SHOX: variants seen among roughly 807,000 people sequenced by gnomAD.
SHOX encodes short stature homeobox protein.
Under a neutral mutation model 29.6 loss-of-function variants are expected in SHOX, and 12 were observed. The observed-to-expected ratio is 0.41, with a 90% CI of 0.26 to 0.66. The LOEUF is 0.66. SHOX is among the 30% of genes least tolerant of loss of function. The probability of loss-of-function intolerance (pLI) is 0.35; values close to 1 mark genes in which losing one functional copy is unlikely to be tolerated. For missense variants in SHOX, 499 were observed against 437.7 expected (o/e 1.14, Z -1.25); for synonymous variants, 214 against 200.6 (o/e 1.07, Z -0.57).
chrX:656,925 C>CA (rs57866699), intron 5 of SHOX, among the ~76,000 whole-genome samples: 32 of 5,296 alleles, frequency 6.0e-3, no homozygotes, highest in South Asian at 0.016. Flanking sequence ...GACTCCGTCT[C>CA]AAAAAAAAAA....
downstream of SHOX, among the ~76,000 whole-genome samples, chrX:655,568 GTCTCTCTCTC>G (rs1228178183): frequency 4.8e-3 from 419 of 87,542 alleles, 1 homozygote; most frequent in East Asian, 8.7e-3. Context: ...CTCTCTCTCT[GTCTCTCTCTC>G]TCTCTCTCTC....
chrX:649,856 C>T lies in SHOX; in HGVS notation c.*5220C>T. The T allele has an allele frequency of 2.2e-6, 1 of 454,700 alleles. No homozygotes were observed. The highest frequency in any genetic ancestry group is 1.6e-5 in the South Asian group (1 of 64,292). 28.2% of individuals were successfully genotyped at this position (454,700 alleles called of 1,614,324 possible). Reference sequence around the variant, plus strand: ...AGTCGCCGCAGTTGAGCAAAAAACACTTCTTCCTTTGAGTGGCTGTTCTGG... The same window carrying T: ...AGTCGCCGCAGTTGAGCAAAAAACATTTCTTCCTTTGAGTGGCTGTTCTGG... On this transcript the variant is annotated 3_prime_UTR_variant, in exon 5 of 5. Transcript: ENST00000686671.
chrX:634,185 G>T lies in SHOX; in HGVS notation c.278-433G>T, dbSNP rs1171180983. ...CCTGCGCTGCAGCGGTGGGGATAGC[G>T]TCTCTCCGTAGGCCTAGAATCTGCA... On this transcript the variant is annotated intron_variant, in intron 1 of 4. Transcript: ENST00000686671. 2.0e-5 allele frequency among the ~76,000 whole-genome samples: 3 copies of T among 152,182 alleles called. No individual in the cohort carries two copies. The South Asian group carries it at 6.2e-4, about 31-fold the overall frequency.
upstream of SHOX, among the ~76,000 whole-genome samples, chrX:626,779 TTC>T (rs1162431208): frequency 7.0e-6 from 1 of 142,150 alleles, no homozygotes; most frequent in Non-Finnish European, 1.5e-5. Context: ...TCCTCTCTTT[TTC>T]TCTGTCTCTG....
intron 5 of SHOX, among the ~76,000 whole-genome samples, chrX:658,177 G>C (rs1379648011): frequency 6.6e-6 from 1 of 152,110 alleles, no homozygotes; most frequent in East Asian, 1.9e-4. Flanking sequence ...GTTTTACCAT[G>C]TTGGCCAGGC....
downstream of SHOX, among the ~76,000 whole-genome samples, chrX:651,688 CAG>C (rs2053067301): frequency 1.4e-5 from 2 of 145,094 alleles, no homozygotes; most frequent in Non-Finnish European, 3.0e-5. Flanking sequence ...TGGCTGAACA[CAG>C]AGTGTTGTTC....
intron 4 of SHOX, among the ~76,000 whole-genome samples, chrX:643,624 TGGGGATCTGGTGTCCTG>T (rs2052906410): frequency 7.8e-6 from 1 of 128,404 alleles, no homozygotes; most frequent in Non-Finnish European, 1.6e-5. Flanking sequence ...GGGAGAGCCT[TGGGGATCTGGTGTCCTG>T]GGGAGAGGCT....
intron 4 of SHOX, among the ~76,000 whole-genome samples, chrX:644,110 T>TC (rs1466309239): frequency 6.6e-6 from 1 of 152,042 alleles, no homozygotes; most frequent in African/African-American, 2.4e-5. Flanking sequence ...CATCGGGAGC[T>TC]CCCCCTGAGG....
In SHOX at chrX:624,996, C is replaced by A. The variant is rs184089952; in HGVS notation, c.-433+394C>A. 3.5e-3 allele frequency among the ~76,000 whole-genome samples: 512 copies of A among 147,522 alleles called. 3 individuals carry two copies. Among genetic ancestry groups the A allele is most frequent in the African/African-American group, 0.012 (497 of 40,042 alleles). On this transcript the variant is annotated intron_variant, in intron 1 of 5. Transcript: ENST00000334060. The stretch of plus-strand genomic sequence containing the variant: ...CCTTTTCTTTTCCAGAAAGCTTTTT[C>A]CTTCCTTCCCTCCTTCCTTCCTTCT...
Position 644,971 on chromosome X carries a change from G to C in SHOX, c.*335G>C. 2 of 330,740 alleles carry C rather than the reference G, an allele frequency of 6.0e-6. No homozygotes were observed. The highest frequency in any genetic ancestry group is 5.4e-6 in the Non-Finnish European group (1 of 183,904). 20.5% of individuals were successfully genotyped at this position (330,740 alleles called of 1,614,324 possible). On this transcript the variant is annotated 3_prime_UTR_variant, in exon 5 of 5. Coordinates refer to ENST00000686671, the MANE Select transcript of SHOX (RefSeq NM_000451.4). ...TTCCTCTGCTATACCCTATGCATGC[G>C]GTTAACTACACACGTTTGGAAGATC...
upstream of SHOX, among the ~76,000 whole-genome samples, chrX:628,068 C>T (rs1185671814): frequency 6.6e-6 from 1 of 152,002 alleles, no homozygotes; most frequent in African/African-American, 2.4e-5. Flanking sequence ...CTGCCTCTCT[C>T]CCTCTTTCTC....
chrX:640,895 G>T lies in SHOX; in HGVS notation c.544+17G>T. The T allele has an allele frequency of 6.2e-7, 1 of 1,613,910 alleles. No individual in the cohort carries two copies. Among genetic ancestry groups the T allele is most frequent in the South Asian group, 1.1e-5 (1 of 91,068 alleles). On this transcript the variant is annotated intron_variant, in intron 3 of 4. Coordinates refer to ENST00000686671, the MANE Select transcript of SHOX (RefSeq NM_000451.4). Reference sequence around the variant, plus strand: ...TGCATAAAGGTGGGTGTCGGGACTGGGGGGACCTGAAGCTGGGGGATCCTG... The same window carrying T: ...TGCATAAAGGTGGGTGTCGGGACTGTGGGGACCTGAAGCTGGGGGATCCTG...
chrX:630,742 G>A (rs2052631749), upstream of SHOX: 2 of 926,332 alleles, frequency 2.2e-6, no homozygotes, highest in Non-Finnish European at 3.4e-6. Context: ...CGCATGGGGG[G>A]CTGGGCGAGG....
Position 647,223 on chromosome X carries a change from C to G in SHOX, c.*2587C>G, listed in dbSNP as rs1048304514. ...TCCCGAGTAGCTGGGATTACAGGCACCTGCCACCAGGCCTGGGTAACTTTC... is the reference window on the plus strand; with the variant it reads ...TCCCGAGTAGCTGGGATTACAGGCAGCTGCCACCAGGCCTGGGTAACTTTC... On this transcript the variant is annotated 3_prime_UTR_variant, in exon 5 of 5. Coordinates refer to ENST00000686671, the MANE Select transcript of SHOX (RefSeq NM_000451.4). Among the ~76,000 whole-genome samples the G allele has an allele frequency of 2.4e-4, 37 of 151,776 alleles. No homozygotes were observed. Among genetic ancestry groups the G allele is most frequent in the Non-Finnish European group, 4.6e-4 (31 of 67,976 alleles).
rs1187328301 is a variant in SHOX, at chrX:625,790, C to T, written c.-433+1188C>T. Among the ~76,000 whole-genome samples, 7 of 141,954 alleles carry T rather than the reference C, an allele frequency of 4.9e-5. 2 individuals carry two copies. Among genetic ancestry groups the T allele is most frequent in the Non-Finnish European group, 7.6e-5 (5 of 65,986 alleles). 93.1% of individuals were successfully genotyped at this position (141,954 alleles called of 152,430 possible). A position where few individuals can be genotyped will look rare whatever the true frequency, so the allele number is the denominator to read the frequency against. ...TCTCTGTCTGTCTCTGTCTCTCTTT[C>T]TCTCCTCTCTCTGTGTCTCTGTCTC... On this transcript the variant is annotated intron_variant, in intron 1 of 5. Coordinates refer to the SHOX transcript ENST00000334060.
chrX:625,227 C>CCTCCTCCTCCTCCTCCTTCTT (rs1569491842), intron 1 of SHOX, among the ~76,000 whole-genome samples: 266 of 139,176 alleles, frequency 1.9e-3, no homozygotes, highest in African/African-American at 6.7e-3. Flanking sequence ...TCCTCCTTCT[C>CCTCCTCCTCCTCCTCCTTCTT]CCTCCTCCTC....
chrX:659,083 AT>A (rs532613188), exon 6 of SHOX: 52,122 of 144,700 alleles, frequency 0.36, 11,684 homozygotes, highest in African/African-American at 0.66. Flanking sequence ...TTTATTTTTA[AT>A]TTTTTTTTTT....
chrX:657,864 G>C (rs1353815646), intron 5 of SHOX, among the ~76,000 whole-genome samples: 1 of 152,178 alleles, frequency 6.6e-6, no homozygotes, highest in East Asian at 1.9e-4. Context: ...TGATTTATTT[G>C]ACGAGTGGAA....
rs1285064133 is a variant in SHOX, at chrX:649,521, G to A, written c.*4885G>A. 2.0e-5 allele frequency among the ~76,000 whole-genome samples: 3 copies of A among 152,290 alleles called. No homozygotes were observed. Among genetic ancestry groups the A allele is most frequent in the Non-Finnish European group, 2.9e-5 (2 of 68,030 alleles). ...AATTGAATTTATGGGGTGGGTGTAC[G>A]CTGGCGATTCTTGGTGCTTTTTGCT... On this transcript the variant is annotated 3_prime_UTR_variant, in exon 5 of 5. Transcript: ENST00000686671.
Sources: gnomAD v4.1 joint callset for allele counts (sites outside exome capture counted in the v4.1 genomes callset) on GRCh38, gnomAD v4.1.1 for gene constraint, MANE v1.5 for transcripts, NCBI Gene and HGNC (gene_info 2026-07-23, HGNC 2026-07-21) for gene names.